Variants in ABCB5 observed in about 807,000 individuals in gnomAD.
The protein encoded by ABCB5 is ATP-binding cassette sub-family B member 5.
In ABCB5, 155 loss-of-function variants were observed where a neutral mutation model predicts 144.2. That is an observed-to-expected ratio of 1.08 (90% CI 0.94 to 1.23). ABCB5 has a LOEUF of 1.23. Ranked by LOEUF, ABCB5 falls within the 50% of genes most tolerant of loss-of-function variation. The pLI is 0.00. For synonymous variants in ABCB5, 610 were observed against 528.6 expected (o/e 1.15, Z -2.11); for missense variants, 1,830 against 1,520.8 (o/e 1.20, Z -3.38).
At chr7:20,671,651 T>G (rs1301107112) in intron 14 of ABCB5, among the ~76,000 whole-genome samples, 1 of 152,220 alleles carries the variant, frequency 6.6e-6, no homozygotes, top group Non-Finnish European at 1.5e-5. Flanking sequence ...GCATCAATAG[T>G]TTGTTTCTTT....
At chr7:20,694,228 C>A (rs911899761) in intron 16 of ABCB5, among the ~76,000 whole-genome samples, 1 of 151,500 alleles carries the variant, frequency 6.6e-6, no homozygotes, top group African/African-American at 2.4e-5. Context: ...GAATTCTTAA[C>A]AAAATGTAAC....
Position 20,691,168 on chromosome 7 carries a change from C to CT in ABCB5, c.2010+5365dup, listed in dbSNP as rs58696871. Among the ~76,000 whole-genome samples, 447 of 46,102 alleles carry CT rather than the reference C, an allele frequency of 9.7e-3. 50 individuals carry two copies. Among genetic ancestry groups the CT allele is most frequent in the African/African-American group, 0.012 (174 of 14,836 alleles). The allele number at this position is 46,102 out of a possible 152,430, so 30.2% of individuals were successfully genotyped here. ...GAAAACACAGACAAAACCCAGTGGA[C>CT]TTTTTTTTTTTTTTTTTTTTTTTTT... On this transcript the variant is annotated intron_variant, in intron 16 of 27. Transcript: ENST00000404938.
intron 23 of ABCB5, among the ~76,000 whole-genome samples, chr7:20,736,627 T>C (rs1320607004): frequency 6.6e-6 from 1 of 152,236 alleles, no homozygotes; most frequent in Non-Finnish European, 1.5e-5. Context: ...TGTTGGCCTG[T>C]ACATTTCTCC....
chr7:20,712,695 A>G (rs1229723506), intron 20 of ABCB5, among the ~76,000 whole-genome samples: 1 of 149,102 alleles, frequency 6.7e-6, no homozygotes, highest in Non-Finnish European at 1.5e-5. Flanking sequence ...TTATTTTTAG[A>G]ATTTTAATAT....
chr7:20,635,215 G>T (rs6946293), intron 5 of ABCB5, among the ~76,000 whole-genome samples: 26,571 of 151,792 alleles, frequency 0.18, 3,320 homozygotes, highest in African/African-American at 0.35. Context: ...TTAGTTGTAG[G>T]TATGTGGCTT....
chr7:20,704,012 T>C (rs1390027321), intron 19 of ABCB5, among the ~76,000 whole-genome samples: 2 of 151,204 alleles, frequency 1.3e-5, no homozygotes, highest in Non-Finnish European at 2.9e-5. Context: ...AGACTTTTTA[T>C]CATTAGTTAG....
At chr7:20,679,573 G>A (rs1353227464) in intron 14 of ABCB5, among the ~76,000 whole-genome samples, 1 of 151,076 alleles carries the variant, frequency 6.6e-6, no homozygotes, top group African/African-American at 2.4e-5. Flanking sequence ...CACTTCTACA[G>A]TATATAAACA....
At chr7:20,642,581 A>T (rs1195387325) in intron 5 of ABCB5, among the ~76,000 whole-genome samples, 2 of 151,938 alleles carry the variant, frequency 1.3e-5, no homozygotes, top group Non-Finnish European at 2.9e-5. Flanking sequence ...AGGACTTATT[A>T]TCTTGCTCAT....
Position 20,751,703 on chromosome 7 carries a change from T to C in ABCB5, c.3430-1657T>C, listed in dbSNP as rs538048095. ...TCCCTTCCCAATTTTTAGTTTAAGA[T>C]TGAATCCCCTCATTTAAATATGAAC... On this transcript the variant is annotated intron_variant, in intron 26 of 27. Coordinates refer to ENST00000404938, the MANE Select transcript of ABCB5 (RefSeq NM_001163941.2). 2.0e-5 allele frequency among the ~76,000 whole-genome samples: 3 copies of C among 152,288 alleles called. No individual in the cohort carries two copies. The South Asian group carries it at 6.2e-4, about 32-fold the overall frequency.
At chr7:20,695,997 T>C (rs1583431929) in intron 16 of ABCB5, among the ~76,000 whole-genome samples, 1 of 152,132 alleles carries the variant, frequency 6.6e-6, no homozygotes, top group East Asian at 1.9e-4. Flanking sequence ...CTTTGGAAAA[T>C]AATTTGTCAG....
intron 13 of ABCB5, 72 bp from the exon 14 acceptor site, chr7:20,658,434 T>G: frequency 6.9e-7 from 1 of 1,452,072 alleles, no homozygotes; most frequent in Non-Finnish European, 9.5e-7. Flanking sequence ...ACAACTGGGA[T>G]TGTCATTTCC....
chr7:20,730,872 T>C (rs978204040), intron 23 of ABCB5, among the ~76,000 whole-genome samples: 1 of 152,182 alleles, frequency 6.6e-6, no homozygotes, highest in African/African-American at 2.4e-5. Context: ...ACAGACTTCT[T>C]TAATCCCCAG....
chr7:20,693,481 A>G (rs1329144429), intron 16 of ABCB5, among the ~76,000 whole-genome samples: 1 of 152,174 alleles, frequency 6.6e-6, no homozygotes, highest in Admixed American at 6.6e-5. Flanking sequence ...TATAAACTAC[A>G]TAACTCACTT....
intron 5 of ABCB5, among the ~76,000 whole-genome samples, chr7:20,642,223 GC>G (rs1562533510): frequency 6.6e-6 from 1 of 152,128 alleles, no homozygotes; most frequent in Non-Finnish European, 1.5e-5. Flanking sequence ...CCTAGAATAT[GC>G]CAAATTCTCC....
chr7:20,733,564 C>A (rs1005502781), intron 23 of ABCB5, among the ~76,000 whole-genome samples: 1 of 151,920 alleles, frequency 6.6e-6, no homozygotes. Context: ...TTCCCAGTGC[C>A]CCAAGGGAAG....
intron 14 of ABCB5, among the ~76,000 whole-genome samples, chr7:20,665,770 TACATACATAC>T (rs1785167579): frequency 1.6e-5 from 2 of 124,492 alleles, no homozygotes; most frequent in Non-Finnish European, 3.4e-5. Flanking sequence ...TAGATAGAGA[TACATACATAC>T]ATACATACAT....
At position 20,756,336 on chromosome 7, in the gene ABCB5, T is replaced by A. The variant is rs1454515414; in HGVS notation, c.*712T>A. On this transcript the variant is annotated 3_prime_UTR_variant, in exon 28 of 28. Transcript: ENST00000404938. ...GGCCTACCTGTTTATGAAAACTTACTTACTTAAAATAAGAGCTACTTTTGG... is the reference window on the plus strand; with the variant it reads ...GGCCTACCTGTTTATGAAAACTTACATACTTAAAATAAGAGCTACTTTTGG... 1.3e-5 allele frequency: 2 copies of A among 152,286 alleles called. No individual in the cohort carries two copies. Among genetic ancestry groups the A allele is most frequent in the Non-Finnish European group, 2.9e-5 (2 of 68,046 alleles). 9.4% of individuals were successfully genotyped at this position (152,286 alleles called of 1,614,324 possible).
At chr7:20,751,387 C>G (rs987072652) in intron 26 of ABCB5, among the ~76,000 whole-genome samples, 2 of 152,104 alleles carry the variant, frequency 1.3e-5, no homozygotes, top group African/African-American at 4.8e-5. Context: ...AGGAGAATGG[C>G]GTGAACCCGG....
chr7:20,617,935 G>A (rs1398319402), intron 1 of ABCB5, among the ~76,000 whole-genome samples: 2 of 152,012 alleles, frequency 1.3e-5, no homozygotes, highest in African/African-American at 2.4e-5. Context: ...TAAGCACACA[G>A]CCACAAAATA....
Sources: allele counts gnomAD v4.1 joint callset (sites outside exome capture counted in the v4.1 genomes callset), GRCh38; gene constraint gnomAD v4.1.1; transcripts MANE v1.5; gene names NCBI Gene and HGNC (gene_info 2026-07-23, HGNC 2026-07-21).